Variants in INTS6 observed in about 807,000 individuals in gnomAD.
INTS6 encodes integrator complex subunit 6, also known as DEAD box protein.
INTS6 carries 16 observed loss-of-function variants against 104.9 expected under a neutral mutation model. The ratio of observed to expected loss-of-function variants is 0.15; its 90% confidence interval spans 0.10 to 0.23. The LOEUF (loss-of-function observed/expected upper bound fraction) is 0.23. INTS6 is among the 10% of genes least tolerant of loss of function. INTS6 has a pLI of 1.00. For missense variants in INTS6, 584 were observed against 1,062.8 expected (o/e 0.55, Z 6.26); for synonymous variants, 324 against 358.7 (o/e 0.90, Z 1.09).
chr13:51,351,959 G>A (rs1955407200), downstream of INTS6, among the ~76,000 whole-genome samples: 1 of 149,388 alleles, frequency 6.7e-6, no homozygotes, highest in African/African-American at 2.6e-5. Context: ...AAATGTCTAA[G>A]TTTATTTCTG....
rs2137905737 is a variant in INTS6, at chr13:51,379,421, A to G, written c.1386+41T>C. On this transcript the variant is annotated intron_variant, in intron 11 of 17. Coordinates refer to ENST00000311234, the MANE Select transcript of INTS6 (RefSeq NM_012141.3). The stretch of plus-strand genomic sequence containing the variant: ...CTGTTTAACCATCCTAGCCAAAACC[A>G]TTCAAAATACTTAATGGCTCACTCT... The G allele has an allele frequency of 3.2e-6, 4 of 1,265,958 alleles. No homozygotes were observed. The East Asian group carries it at 7.2e-5, about 23-fold the overall frequency. The allele number at this position is 1,265,958 out of a possible 1,614,324, so 78.4% of individuals were successfully genotyped here.
At chr13:51,376,594 C>T (rs920779106) in intron 12 of INTS6, among the ~76,000 whole-genome samples, 4 of 152,050 alleles carry the variant, frequency 2.6e-5, no homozygotes, top group African/African-American at 7.2e-5. Context: ...CATCATAATC[C>T]ATTTCCACCA....
rs111371936 is a variant in INTS6 at position 51,354,641 on chromosome 13, C to G, written n.431-305G>C. On this transcript the variant is annotated intron_variant and non_coding_transcript_variant, in intron 3 of 3. Transcript: ENST00000476666. ...AATGAATTGGGATAGCCACTTTTCT[C>G]AGGTAGTTTACAATAACATAAATGA... 2.1e-3 allele frequency among the ~76,000 whole-genome samples: 324 copies of G among 151,738 alleles called. 2 individuals are homozygous for G. Among genetic ancestry groups the G allele is most frequent in the African/African-American group, 6.8e-3 (281 of 41,390 alleles).
At chr13:51,357,219 G>A (rs78509524), downstream of INTS6, among the ~76,000 whole-genome samples, 735 of 152,250 alleles carry the variant, frequency 4.8e-3, 8 homozygotes, top group African/African-American at 0.017. Flanking sequence ...ATAATCAAGA[G>A]ACTAACCACT....
chr13:51,358,037 A>G (rs775209953), downstream of INTS6, among the ~76,000 whole-genome samples: 2 of 152,144 alleles, frequency 1.3e-5, no homozygotes, highest in Non-Finnish European at 2.9e-5. Flanking sequence ...TGCAATAGAA[A>G]GAGGTGCAGA....
Position 51,388,592 on chromosome 13 carries a change from C to T in INTS6, c.739+727G>A, listed in dbSNP as rs1009263818. On this transcript the variant is annotated intron_variant, in intron 6 of 17. Transcript: ENST00000311234. ...ATTTTTAGTAGACACGGAGTTTCTC[C>T]GTGTTGGTCAGGCTGGTCTCAAACT... Among the ~76,000 whole-genome samples the T allele has an allele frequency of 2.0e-5, 3 of 152,050 alleles. No individual in the cohort carries two copies. In the East Asian group the frequency reaches 5.8e-4, roughly 29 times the overall value.
chr13:51,390,279 T>A (rs370889415), intron 5 of INTS6, among the ~76,000 whole-genome samples: 11 of 152,110 alleles, frequency 7.2e-5, no homozygotes, highest in African/African-American at 2.6e-4. Context: ...TACACCTGAT[T>A]TTGTTGACTT....
In INTS6 at chr13:51,383,332, A is replaced by G; in HGVS notation, c.1177T>C (p.Leu393=). The stretch of plus-strand genomic sequence containing the variant: ...GAAAGTGACAAGAATGACTTACCTA[A>G]GAGGGGAAGAAGGACTGGATAATTG... ...PYNYPVLLPL[L]DDLFKVHKAK... The change falls in exon 9 of 18, where the codon TTA becomes CTA. Residue 393 remains leucine (L), a synonymous_variant. Coordinates refer to ENST00000311234, the MANE Select transcript of INTS6 (RefSeq NM_012141.3). The G allele has an allele frequency of 6.2e-7, 1 of 1,608,864 alleles. No homozygotes were observed. The highest frequency in any genetic ancestry group is 8.5e-7 in the Non-Finnish European group (1 of 1,177,436).
downstream of INTS6, among the ~76,000 whole-genome samples, chr13:51,350,637 T>A (rs556329684): frequency 1.7e-3 from 266 of 152,244 alleles, no homozygotes; most frequent in Non-Finnish European, 2.9e-3. Context: ...TTTTAAAAAA[T>A]CAAGATATAA....
rs1491389220 is a variant in INTS6 at position 51,404,103 on chromosome 13, C to CACACACACACACAG, written c.430-8621_430-8620insCTGTGTGTGTGTGT. Among the ~76,000 whole-genome samples, 495 of 103,872 alleles carry CACACACACACACAG rather than the reference C, an allele frequency of 4.8e-3. 2 individuals are homozygous for CACACACACACACAG. Among genetic ancestry groups the CACACACACACACAG allele is most frequent in the South Asian group, 9.5e-3 (28 of 2,956 alleles). The allele number at this position is 103,872 out of a possible 152,430, so 68.1% of individuals were successfully genotyped here. ...ACACACACACACACACACACACACA[C>CACACACACACACAG]AGAGAGAGAGAGAGAGAGAGACAAC... On this transcript the variant is annotated intron_variant, in intron 4 of 17. Transcript: ENST00000311234.
the INTS6 span, among the ~76,000 whole-genome samples, chr13:51,336,177 T>C: frequency 2.0e-4 from 30 of 152,224 alleles, no homozygotes; most frequent in Non-Finnish European, 3.2e-4. Flanking sequence ...CCAACCTATT[T>C]CTTGCAAGAC....
Position 51,389,454 on chromosome 13 carries a change from A to G in INTS6, c.614-10T>C. The G allele has an allele frequency of 6.3e-7, 1 of 1,584,060 alleles. No individual in the cohort carries two copies. Among genetic ancestry groups the G allele is most frequent in the Non-Finnish European group, 8.5e-7 (1 of 1,170,740 alleles). On this transcript the variant is annotated splice_polypyrimidine_tract_variant and intron_variant, in intron 5 of 17. Coordinates refer to ENST00000311234, the MANE Select transcript of INTS6 (RefSeq NM_012141.3). The stretch of plus-strand genomic sequence containing the variant: ...ACAGAATATGAACGGCCTGAGATTA[A>G]AAAAAAGAAGAAGAAGAAGAAGAAG...
chr13:51,401,246 T>A (rs1281420959), intron 4 of INTS6, among the ~76,000 whole-genome samples: 1 of 152,120 alleles, frequency 6.6e-6, no homozygotes, highest in Non-Finnish European at 1.5e-5. Context: ...ATATATGCAT[T>A]CACTCATCAT....
chr13:51,449,391 G>A, intron 3 of INTS6: 1 of 815,258 alleles, frequency 1.2e-6, no homozygotes, highest in African/African-American at 1.9e-5. Context: ...TGTTCTCTGG[G>A]GGCAGATATC....
At chr13:51,405,486 C>T (rs1956544902) in intron 4 of INTS6, among the ~76,000 whole-genome samples, 4 of 152,160 alleles carry the variant, frequency 2.6e-5, no homozygotes, top group African/African-American at 9.7e-5. Flanking sequence ...TATACTTAGC[C>T]TATCAATTCT....
chr13:51,402,341 C>A (rs1221733161), intron 4 of INTS6, among the ~76,000 whole-genome samples: 2 of 152,112 alleles, frequency 1.3e-5, no homozygotes, highest in Non-Finnish European at 2.9e-5. Flanking sequence ...ACTCAAGTAA[C>A]CCATGCTATA....
At chr13:51,439,399 T>C (rs1430354671) in intron 3 of INTS6, 1 of 152,212 alleles carries the variant, frequency 6.6e-6, no homozygotes, top group African/African-American at 2.4e-5. Context: ...CTAATCCTCT[T>C]AACTGTAAGG....
At chr13:51,380,663 A>G (rs114627811) in intron 10 of INTS6, among the ~76,000 whole-genome samples, 2,362 of 152,324 alleles carry the variant, frequency 0.016, 56 homozygotes, top group African/African-American at 0.054. Context: ...TAGAAAGATT[A>G]TTTATAGCCA....
At chr13:51,360,370 T>C (rs1253508638), downstream of INTS6, among the ~76,000 whole-genome samples, 1 of 152,028 alleles carries the variant, frequency 6.6e-6, no homozygotes, top group Non-Finnish European at 1.5e-5. Context: ...TATTCTCAAC[T>C]CTGCTTTTCA....
Sources: allele counts gnomAD v4.1 joint callset (sites outside exome capture counted in the v4.1 genomes callset), GRCh38; gene constraint gnomAD v4.1.1; transcripts MANE v1.5; gene names NCBI Gene and HGNC (gene_info 2026-07-23, HGNC 2026-07-21).